The following PKIB variants were observed in gnomAD, a reference collection of about 807,000 sequenced individuals.
The protein encoded by PKIB is cAMP-dependent protein kinase inhibitor beta.
A neutral mutation model predicts 4.5 loss-of-function variants in PKIB; 2 were observed. The ratio of observed to expected loss-of-function variants is 0.44; its 90% CI spans 0.18 to 1.39. The LOEUF is 1.39. Among genes scored for constraint, PKIB ranks in the 40% most tolerant of loss-of-function variants. The pLI is 0.27. For synonymous variants in PKIB, 38 were observed against 36.0 expected (o/e 1.06, Z -0.20); for missense variants, 94 against 92.6 (o/e 1.02, Z -0.06).
chr6:122,697,278 A>G (rs182373094), intron 3 of PKIB, among the ~76,000 whole-genome samples: 16 of 152,190 alleles, frequency 1.1e-4, no homozygotes, highest in Admixed American at 5.9e-4. Context: ...TACCTGATCT[A>G]TGGGAGGAGA....
At chr6:122,693,325 G>C (rs951089157) in intron 3 of PKIB, among the ~76,000 whole-genome samples, 4 of 152,140 alleles carry the variant, frequency 2.6e-5, no homozygotes, top group African/African-American at 9.7e-5. Flanking sequence ...CTGCTAGTGA[G>C]AATATTTAAA....
At position 122,707,958 on chromosome 6, in the gene PKIB, GA is replaced by G. The variant is rs1252904623; in HGVS notation, c.-8-9821del. Among the ~76,000 whole-genome samples, 4 of 70,064 alleles carry G rather than the reference GA, an allele frequency of 5.7e-5. No homozygotes were observed. In the East Asian group the frequency reaches 1.8e-3, roughly 31 times the overall value. The allele number at this position is 70,064 out of a possible 152,430, so 46.0% of individuals were successfully genotyped here. On this transcript the variant is annotated intron_variant, in intron 3 of 4. Coordinates refer to ENST00000368452, the MANE Select transcript of PKIB (RefSeq NM_181795.3). ...CATATATTAATGTCATATGCAAAAAGAAAAAAAATTCATGTTGAAAAGTGGA... is the reference window on the plus strand; with the variant it reads ...CATATATTAATGTCATATGCAAAAAGAAAAAAATTCATGTTGAAAAGTGGA...
At chr6:122,704,471 G>T (rs1778973489) in intron 3 of PKIB, among the ~76,000 whole-genome samples, 1 of 152,064 alleles carries the variant, frequency 6.6e-6, no homozygotes, top group South Asian at 2.1e-4. Context: ...TAGTGTATTT[G>T]TAAGAATGAA....
intron 1 of PKIB, among the ~76,000 whole-genome samples, chr6:122,616,159 T>G (rs1239922392): frequency 6.6e-6 from 1 of 151,900 alleles, no homozygotes; most frequent in Non-Finnish European, 1.5e-5. Flanking sequence ...GGGAGAAAAA[T>G]GAATCCTGGG....
intron 2 of PKIB, among the ~76,000 whole-genome samples, chr6:122,584,673 A>G (rs934155864): frequency 2.6e-5 from 4 of 152,184 alleles, no homozygotes; most frequent in African/African-American, 7.2e-5. Context: ...TTATGCTTAG[A>G]AAAGTGGCTT....
intron 2 of PKIB, among the ~76,000 whole-genome samples, chr6:122,540,016 C>T (rs1192693854): frequency 3.3e-5 from 5 of 152,046 alleles, no homozygotes; most frequent in South Asian, 2.1e-4. Flanking sequence ...TCTATGGGAT[C>T]GGTGGTGATA....
At chr6:122,491,840 C>G (rs183089416) in intron 2 of PKIB, among the ~76,000 whole-genome samples, 17 of 152,236 alleles carry the variant, frequency 1.1e-4, no homozygotes, top group Admixed American at 9.8e-4. Context: ...ATCTAGAAAA[C>G]TAAGGTTAAT....
rs371926443 is a variant in PKIB at position 122,612,184 on chromosome 6, A to G, written c.-161+1649A>G. Among the ~76,000 whole-genome samples the G allele has an allele frequency of 3.9e-5, 6 of 152,166 alleles. No homozygotes were observed. The East Asian group carries it at 7.7e-4, about 20-fold the overall frequency. Reference sequence around the variant, plus strand: ...TTTAATTTTCCTCACAGTTCTTACAATTATTTAAATTCTTACGCAGTTTGC... The same window carrying G: ...TTTAATTTTCCTCACAGTTCTTACAGTTATTTAAATTCTTACGCAGTTTGC... On this transcript the variant is annotated intron_variant, in intron 1 of 4. Transcript: ENST00000368452.
intron 3 of PKIB, among the ~76,000 whole-genome samples, chr6:122,690,189 T>C (rs142150148): frequency 0.011 from 1,608 of 148,830 alleles, 34 homozygotes; most frequent in African/African-American, 0.036. Context: ...GGGTCTTTCT[T>C]TTTTTTTTTA....
chr6:122,624,918 T>G (rs1241320859), intron 1 of PKIB, among the ~76,000 whole-genome samples: 1 of 152,178 alleles, frequency 6.6e-6, no homozygotes, highest in Non-Finnish European at 1.5e-5. Context: ...CAAAATCCCT[T>G]TATCTCCTTT....
intron 2 of PKIB, among the ~76,000 whole-genome samples, chr6:122,652,314 GTGTGTGTGT>G (rs1776588485): frequency 8.1e-6 from 1 of 123,084 alleles, no homozygotes; most frequent in Admixed American, 9.1e-5. Context: ...GTGTGTGTGT[GTGTGTGTGT>G]GTGTGTGTGT....
At chr6:122,650,050 A>G (rs1157124441) in intron 2 of PKIB, among the ~76,000 whole-genome samples, 2 of 152,308 alleles carry the variant, frequency 1.3e-5, no homozygotes, top group East Asian at 3.9e-4. Context: ...TAAATTGGCC[A>G]AAGTAGTACA....
intron 2 of PKIB, among the ~76,000 whole-genome samples, chr6:122,661,334 T>G (rs1042207768): frequency 6.6e-6 from 1 of 152,150 alleles, no homozygotes; most frequent in Non-Finnish European, 1.5e-5. Context: ...CCTATAAACA[T>G]TAGTTGTGAC....
chr6:122,568,881 G>T (rs556436010), intron 2 of PKIB, among the ~76,000 whole-genome samples: 1 of 152,072 alleles, frequency 6.6e-6, no homozygotes, highest in African/African-American at 2.4e-5. Flanking sequence ...CCTCGGGCAG[G>T]TCTGAGTTCT....
intron 3 of PKIB, among the ~76,000 whole-genome samples, chr6:122,598,748 C>A (rs185673178): frequency 6.6e-6 from 1 of 152,300 alleles, no homozygotes; most frequent in African/African-American, 2.4e-5. Flanking sequence ...AGCTCGCTCA[C>A]AATGGGCCAT....
At chr6:122,604,504 G>A (rs1229880678) in intron 3 of PKIB, among the ~76,000 whole-genome samples, 1 of 152,170 alleles carries the variant, frequency 6.6e-6, no homozygotes, top group Non-Finnish European at 1.5e-5. Flanking sequence ...GAAAAAAAGA[G>A]GTCACATGGA....
chr6:122,543,474 G>A (rs769599152), intron 2 of PKIB, among the ~76,000 whole-genome samples: 21 of 151,290 alleles, frequency 1.4e-4, no homozygotes, highest in Non-Finnish European at 2.9e-4. Flanking sequence ...CCACCTCCCA[G>A]GTTCAAGTGA....
Position 122,717,771 on chromosome 6 carries a change from C to G in PKIB, c.-8-16C>G. ...TGAATAGGCTCATCTTCTTCATATG[C>G]ACATTCTATTTGTAGATGTTGCTAT... On this transcript the variant is annotated splice_polypyrimidine_tract_variant and intron_variant, in intron 3 of 4. Coordinates refer to ENST00000368452, the MANE Select transcript of PKIB (RefSeq NM_181795.3). 2 of 1,612,274 alleles carry G rather than the reference C, an allele frequency of 1.2e-6. No individual in the cohort carries two copies. Among genetic ancestry groups the G allele is most frequent in the Non-Finnish European group, 1.7e-6 (2 of 1,178,652 alleles).
chr6:122,680,157 G>A (rs967208633), intron 3 of PKIB, among the ~76,000 whole-genome samples: 3 of 152,170 alleles, frequency 2.0e-5, no homozygotes, highest in Non-Finnish European at 4.4e-5. Flanking sequence ...TGGAGAAAAG[G>A]CATACAAATC....
Sources: gnomAD v4.1 joint callset for allele counts (sites outside exome capture counted in the v4.1 genomes callset) on GRCh38, gnomAD v4.1.1 for gene constraint, MANE v1.5 for transcripts, NCBI Gene and HGNC (gene_info 2026-07-23, HGNC 2026-07-21) for gene names.